PABPC1L: variants seen among roughly 807,000 people sequenced by gnomAD.
The protein encoded by PABPC1L is polyadenylate-binding protein 1-like.
A neutral mutation model predicts 66.6 loss-of-function variants in PABPC1L; 31 were observed. The ratio of observed to expected loss-of-function variants is 0.47; its 90% CI spans 0.35 to 0.63. The LOEUF is 0.63. Among genes scored for constraint, PABPC1L ranks in the 20% least tolerant of loss-of-function variants. The probability of loss-of-function intolerance (pLI) is 0.00; values close to 1 mark genes in which losing one functional copy is unlikely to be tolerated. For synonymous variants in PABPC1L, 348 were observed against 335.1 expected (o/e 1.04, Z -0.42); for missense variants, 722 against 848.8 (o/e 0.85, Z 1.86).
intron 3 of PABPC1L, 27 bp downstream of exon 3, chr20:44,916,898 C>A (rs777413859): frequency 6.2e-7 from 1 of 1,602,136 alleles, no homozygotes; most frequent in African/African-American, 1.3e-5. Context: ...GAGGGAGGGG[C>A]GGAGGCTGCA....
At chr20:44,911,752 G>A (rs2066706926) in intron 1 of PABPC1L, among the ~76,000 whole-genome samples, 1 of 152,174 alleles carries the variant, frequency 6.6e-6, no homozygotes, top group South Asian at 2.1e-4. Context: ...CTTCCTCCAA[G>A]CCCTGTGAAT....
At chr20:44,927,753 C>T (rs1015443336) in intron 7 of PABPC1L, among the ~76,000 whole-genome samples, 4 of 152,090 alleles carry the variant, frequency 2.6e-5, no homozygotes, top group African/African-American at 7.2e-5. Context: ...TGCAGTGGTG[C>T]CATCACAGCT....
chr20:44,912,975 A>G (rs2066715292), intron 2 of PABPC1L, 122 bp downstream of exon 2: 5 of 836,346 alleles, frequency 6.0e-6, no homozygotes, highest in Non-Finnish European at 7.2e-6. Context: ...TTTCAGGTAC[A>G]GCAAGCACCT....
intron 2 of PABPC1L, among the ~76,000 whole-genome samples, chr20:44,913,530 C>A (rs1481400106): frequency 6.6e-6 from 1 of 152,076 alleles, no homozygotes; most frequent in East Asian, 1.9e-4. Flanking sequence ...AAACGATTCT[C>A]CTGCCTCAGC....
intron 1 of PABPC1L, among the ~76,000 whole-genome samples, chr20:44,912,437 C>G (rs2066711349): frequency 6.6e-6 from 1 of 152,150 alleles, no homozygotes. Context: ...GAGATCATAA[C>G]TGGAAGGTTG....
intron 10 of PABPC1L, among the ~76,000 whole-genome samples, chr20:44,934,496 G>A (rs1350214998): frequency 6.6e-6 from 1 of 152,132 alleles, no homozygotes; most frequent in Non-Finnish European, 1.5e-5. Flanking sequence ...TCCTCCTCCC[G>A]CTAGCCCTTG....
intron 11 of PABPC1L, 67 bp from the exon 12 acceptor site, chr20:44,936,570 C>A: frequency 7.4e-7 from 1 of 1,347,222 alleles, no homozygotes; most frequent in South Asian, 1.4e-5. Context: ...GCTCACTTGC[C>A]AGGGTAAGTA....
chr20:44,917,010 G>A, intron 3 of PABPC1L, 139 bp downstream of exon 3: 1 of 706,320 alleles, frequency 1.4e-6, no homozygotes, highest in Non-Finnish European at 2.4e-6. Flanking sequence ...AGAAGTGTGA[G>A]CCCGGAGCAG....
intron 1 of PABPC1L, among the ~76,000 whole-genome samples, chr20:44,911,608 T>C (rs1315198958): frequency 1.3e-5 from 2 of 152,140 alleles, no homozygotes; most frequent in Non-Finnish European, 2.9e-5. Flanking sequence ...TGGGTGAACC[T>C]GGTGGTTGCC....
At chr20:44,917,361 A>ATT (rs11483820) in intron 3 of PABPC1L, among the ~76,000 whole-genome samples, 3,665 of 130,594 alleles carry the variant, frequency 0.028, 142 homozygotes, top group African/African-American at 0.067. Context: ...TAATTTTTTG[A>ATT]TTTTTTTTTT....
intron 4 of PABPC1L, 48 bp from the exon 5 acceptor site, chr20:44,919,135 C>T (rs748093307): frequency 1.2e-6 from 2 of 1,614,024 alleles, no homozygotes; most frequent in East Asian, 4.5e-5. Context: ...CCTGGGGTTT[C>T]CTGAGGACTT....
chr20:44,923,998 G>A lies in PABPC1L; in HGVS notation c.877-163G>A, dbSNP rs116210121. ...GCTACAGCTTGCATGTGATGGGCACGCTGAGGGATGGGGGTACCTGGGTGC... is the reference window on the plus strand; with the variant it reads ...GCTACAGCTTGCATGTGATGGGCACACTGAGGGATGGGGGTACCTGGGTGC... On this transcript the variant is annotated intron_variant, in intron 6 of 14. Transcript: ENST00000217073. Among the ~76,000 whole-genome samples the A allele has an allele frequency of 7.7e-3, 1,166 of 152,294 alleles. 12 individuals are homozygous for A. The highest frequency in any genetic ancestry group is 0.026 in the African/African-American group (1,096 of 41,548).
chr20:44,936,461 T>A (rs2066901186), intron 11 of PABPC1L, among the ~76,000 whole-genome samples, 176 bp from the exon 12 acceptor site: 1 of 152,206 alleles, frequency 6.6e-6, no homozygotes. Context: ...CATGACTTTG[T>A]CTTCTAATCC....
rs2145552846 is a variant in PABPC1L, at chr20:44,912,675, A to T, written c.209A>T (p.Asp70Val). Reference sequence around the variant, plus strand: ...TTCTGTCCAGCGGAGCGGGCACTGGACACAATGAACTTTGAGATGCTCAAA... The same window carrying T: ...TTCTGTCCAGCGGAGCGGGCACTGGTCACAATGAACTTTGAGATGCTCAAA... ...QQPADAERALDTMNFEMLKGQ... is the reference protein window; with the variant it reads ...QQPADAERALVTMNFEMLKGQ... Residue 70 changes from aspartate (D) to valine (V), a missense_variant, in exon 2 of 15, where the codon GAC (aspartate) becomes GTC (valine). This residue lies in a region of PABPC1L where 284 missense variants were observed against 294.8 expected (regional missense o/e 0.96). Transcript: ENST00000217073. The T allele has an allele frequency of 1.4e-5, 23 of 1,613,478 alleles. No individual in the cohort carries two copies. The highest frequency in any genetic ancestry group is 1.9e-5 in the Non-Finnish European group (22 of 1,179,480).
rs751631595 is a variant in PABPC1L, at chr20:44,918,959, G to A, written c.557G>A (p.Arg186Gln). 16 of 1,612,564 alleles carry A rather than the reference G, an allele frequency of 9.9e-6. No individual in the cohort carries two copies. Among genetic ancestry groups the A allele is most frequent in the East Asian group, 8.9e-5 (4 of 44,882 alleles). Residue 186 changes from arginine (R) to glutamine (Q), a missense_variant, in exon 4 of 15, where the codon CGG becomes CAG. Arg to Gln is a conservative substitution (Grantham distance 43). This residue lies in a region of PABPC1L where 284 missense variants were observed against 294.8 expected (regional missense o/e 0.96). Transcript: ENST00000217073. ...RREREAELGARALEFTNIYVK... is the reference protein window; with the variant it reads ...RREREAELGAQALEFTNIYVK... ...GAGCGGGAGGCGGAGCTGGGGGCGC[G>A]GGCCCTGGAGTTCACCAACATCTAC...
intron 11 of PABPC1L, among the ~76,000 whole-genome samples, chr20:44,936,149 T>C (rs1027873240): frequency 3.9e-5 from 6 of 152,046 alleles, no homozygotes; most frequent in African/African-American, 1.4e-4. Context: ...TTTTTTGTAG[T>C]GACAGGGGTC....
intron 10 of PABPC1L, among the ~76,000 whole-genome samples, chr20:44,934,711 TATTC>T (rs1258585777): frequency 3.9e-5 from 6 of 152,390 alleles, no homozygotes; most frequent in African/African-American, 1.2e-4. Flanking sequence ...CATTTTTACT[TATTC>T]ATTCATCTAT....
At chr20:44,935,213 T>A (rs1444641173) in intron 10 of PABPC1L, among the ~76,000 whole-genome samples, 178 bp from the exon 11 acceptor site, 2 of 152,098 alleles carry the variant, frequency 1.3e-5, no homozygotes, top group Non-Finnish European at 1.5e-5. Context: ...CCTATACTGT[T>A]TTTCTGTAGT....
Position 44,919,229 on chromosome 20 carries a change from G to A in PABPC1L, c.690G>A (p.Ser230=), listed in dbSNP as rs1356551714. Residue 230 remains serine, a synonymous_variant, in exon 5 of 15, where the codon TCG becomes TCA. Transcript: ENST00000217073. ...VKVMRDNSGH[S]RCFGFVNFEK... ...TGATGAGGGACAACAGCGGCCACTC[G>A]CGGTGCTTTGGCTTTGTCAACTTTG... 1.3e-5 allele frequency: 21 copies of A among 1,614,072 alleles called. No homozygotes were observed. Among genetic ancestry groups the A allele is most frequent in the Admixed American group, 1.7e-5 (1 of 60,002 alleles).
Sources: allele counts gnomAD v4.1 joint callset (sites outside exome capture counted in the v4.1 genomes callset), GRCh38; gene constraint gnomAD v4.1.1; regional missense constraint gnomAD v4.1.1; transcripts MANE v1.5; gene names NCBI Gene and HGNC (gene_info 2026-07-23, HGNC 2026-07-21).